The following FRMD3 variants were observed in gnomAD, a reference collection of about 807,000 sequenced individuals.
The protein encoded by FRMD3 is FERM domain containing 3, also known as FERM domain-containing protein 3.
Under a neutral mutation model 70.2 loss-of-function variants are expected in FRMD3, and 33 were observed. That is an observed-to-expected ratio of 0.47 (90% confidence interval 0.36 to 0.63). The LOEUF (loss-of-function observed/expected upper bound fraction) is 0.63. FRMD3 is among the 20% of genes least tolerant of loss of function. FRMD3 has a pLI of 0.00. For missense variants in FRMD3, 632 were observed against 711.4 expected, an observed-to-expected ratio of 0.89 and a Z score of 1.27; for synonymous variants, 279 against 255.9, an observed-to-expected ratio of 1.09 and a Z score of -0.86.
At chr9:83,384,286 G>A (rs1825448243) in intron 2 of FRMD3, among the ~76,000 whole-genome samples, 1 of 152,176 alleles carries the variant, frequency 6.6e-6, no homozygotes. Context: ...TAAATCTTAG[G>A]TACCACTCTT....
intron 1 of FRMD3, among the ~76,000 whole-genome samples, chr9:83,464,217 T>C (rs919150832): frequency 6.6e-6 from 1 of 152,210 alleles, no homozygotes; most frequent in African/African-American, 2.4e-5. Context: ...AGCTTCTTTA[T>C]CTGGGCTGGC....
chr9:83,514,705 C>G (rs1035082210), intron 1 of FRMD3, among the ~76,000 whole-genome samples: 1 of 152,210 alleles, frequency 6.6e-6, no homozygotes, highest in Non-Finnish European at 1.5e-5. Flanking sequence ...ACATCCCATA[C>G]AGGAGCGCTC....
intron 2 of FRMD3, among the ~76,000 whole-genome samples, chr9:83,374,872 C>G (rs1199740831): frequency 6.6e-6 from 1 of 152,136 alleles, no homozygotes; most frequent in African/African-American, 2.4e-5. Context: ...TAAATAGGAT[C>G]ATTTAGAACT....
At chr9:83,488,286 C>A (rs1052760325) in intron 1 of FRMD3, among the ~76,000 whole-genome samples, 3 of 152,158 alleles carry the variant, frequency 2.0e-5, no homozygotes, top group Admixed American at 2.0e-4. Context: ...CGCTAATGCA[C>A]AAAAAGGAAG....
chr9:83,489,015 T>TGTGTGTGTGTGTGTGTGC (rs539396863), intron 1 of FRMD3, among the ~76,000 whole-genome samples: 3 of 131,628 alleles, frequency 2.3e-5, no homozygotes, highest in Admixed American at 7.3e-5. Context: ...TGTGTGTGTG[T>TGTGTGTGTGTGTGTGTGC]GCTTGTGTGT....
chr9:83,559,119 T>C, the FRMD3 span, among the ~76,000 whole-genome samples: 2 of 152,204 alleles, frequency 1.3e-5, no homozygotes, highest in Non-Finnish European at 2.9e-5. Flanking sequence ...GAGGATTGAC[T>C]CCAGTTTTGA....
intron 4 of FRMD3, among the ~76,000 whole-genome samples, chr9:83,346,356 C>G (rs569774670): frequency 6.6e-6 from 1 of 151,786 alleles, no homozygotes; most frequent in East Asian, 1.9e-4. Context: ...GGAATATCAT[C>G]CAACCATAAC....
chr9:83,482,244 G>C (rs1828584844), intron 1 of FRMD3, among the ~76,000 whole-genome samples: 1 of 152,158 alleles, frequency 6.6e-6, no homozygotes, highest in African/African-American at 2.4e-5. Context: ...ATATTTATTT[G>C]CTCAATTCCC....
intron 1 of FRMD3, among the ~76,000 whole-genome samples, chr9:83,455,252 T>A (rs1827784920): frequency 6.6e-6 from 1 of 152,214 alleles, no homozygotes; most frequent in African/African-American, 2.4e-5. Context: ...CACATATCCC[T>A]AAGCAATATG....
chr9:83,479,420 A>AAAGGAGGG (rs140241208), intron 1 of FRMD3, among the ~76,000 whole-genome samples: 35,230 of 99,778 alleles, frequency 0.35, 6,698 homozygotes, highest in Non-Finnish European at 0.39. Context: ...GGGAAGGATG[A>AAAGGAGGG]AAGGAGGGAA....
chr9:83,429,736 C>T (rs934794908), intron 1 of FRMD3, among the ~76,000 whole-genome samples: 9 of 152,164 alleles, frequency 5.9e-5, no homozygotes, highest in African/African-American at 2.2e-4. Context: ...CAATTTTTCT[C>T]TCTCTCTTGG....
At chr9:83,267,094 T>C (rs1247848470) in intron 13 of FRMD3, 5 of 1,550,730 alleles carry the variant, frequency 3.2e-6, no homozygotes, top group South Asian at 1.2e-5. Flanking sequence ...CCATGTGCAA[T>C]TGGAGGCTTC....
At chr9:83,532,474 A>G (rs1338878604) in intron 1 of FRMD3, among the ~76,000 whole-genome samples, 1 of 152,196 alleles carries the variant, frequency 6.6e-6, no homozygotes, top group Non-Finnish European at 1.5e-5. Flanking sequence ...TGATCATACA[A>G]AGATTGCCTA....
chr9:83,458,340 A>G (rs1291281778), intron 1 of FRMD3, among the ~76,000 whole-genome samples: 1 of 152,236 alleles, frequency 6.6e-6, no homozygotes, highest in Non-Finnish European at 1.5e-5. Flanking sequence ...AGCATTAAGT[A>G]AAGGTACTGT....
chr9:83,298,542 A>G (rs1834768253), intron 12 of FRMD3, among the ~76,000 whole-genome samples: 1 of 152,242 alleles, frequency 6.6e-6, no homozygotes, highest in Non-Finnish European at 1.5e-5. Flanking sequence ...AGACCTAATC[A>G]ATGACTCTCC....
chr9:83,344,815 G>A (rs574918630), intron 4 of FRMD3, among the ~76,000 whole-genome samples: 2 of 137,120 alleles, frequency 1.5e-5, no homozygotes, highest in Non-Finnish European at 3.1e-5. Context: ...GTGCATGCGT[G>A]CATGTGTGAG....
chr9:83,421,552 A>T (rs1826644349), intron 1 of FRMD3, among the ~76,000 whole-genome samples: 1 of 152,098 alleles, frequency 6.6e-6, no homozygotes, highest in Non-Finnish European at 1.5e-5. Flanking sequence ...AGGCTCCAAA[A>T]CCCATAGAAA....
chr9:83,527,282 G>A (rs947001637), intron 1 of FRMD3, among the ~76,000 whole-genome samples: 1 of 152,076 alleles, frequency 6.6e-6, no homozygotes, highest in Non-Finnish European at 1.5e-5. Context: ...GGGAAATCCT[G>A]TTTGAAAAAA....
At chr9:83,492,706 C>A (rs1828856512) in intron 1 of FRMD3, among the ~76,000 whole-genome samples, 1 of 152,202 alleles carries the variant, frequency 6.6e-6, no homozygotes, top group Non-Finnish European at 1.5e-5. Context: ...CCACTCAGTT[C>A]CAGCTGTGTC....
Sources: gnomAD v4.1 joint callset for allele counts (sites outside exome capture counted in the v4.1 genomes callset) on GRCh38, gnomAD v4.1.1 for gene constraint, MANE v1.5 for transcripts, NCBI Gene and HGNC (gene_info 2026-07-23, HGNC 2026-07-21) for gene names.